Variants in RBFOX1 observed in about 807,000 individuals in gnomAD.
The protein encoded by RBFOX1 is RNA binding fox-1 homolog 1.
Under a neutral mutation model 57.7 loss-of-function variants are expected in RBFOX1, and 8 were observed. That is an observed-to-expected ratio of 0.14 (90% CI 0.08 to 0.25). The LOEUF (loss-of-function observed/expected upper bound fraction) is 0.25. RBFOX1 is among the 10% of genes least tolerant of loss of function. The pLI, the probability that RBFOX1 is intolerant of heterozygous loss-of-function variation, is 1.00. For synonymous variants in RBFOX1, 326 were observed against 222.4 expected (o/e 1.47, Z -4.15); for missense variants, 611 against 548.5 (o/e 1.11, Z -1.14).
chr16:5,933,588 G>C (rs866293690), intron 4 of RBFOX1, among the ~76,000 whole-genome samples: 1 of 152,166 alleles, frequency 6.6e-6, no homozygotes, highest in Non-Finnish European at 1.5e-5. Flanking sequence ...ATTTAGGGAG[G>C]CCAAGCTATT....
At chr16:5,443,538 C>T (rs1442755934) in intron 1 of RBFOX1, among the ~76,000 whole-genome samples, 1 of 152,142 alleles carries the variant, frequency 6.6e-6, no homozygotes, top group African/African-American at 2.4e-5. Context: ...TGGGGTTTCC[C>T]TGTGTTGGCC....
At chr16:6,793,161 A>T (rs537791994) in intron 3 of RBFOX1, among the ~76,000 whole-genome samples, 1 of 152,340 alleles carries the variant, frequency 6.6e-6, no homozygotes, top group African/African-American at 2.4e-5. Context: ...AGAACCCAGA[A>T]ATTAAAACAG....
chr16:5,886,310 G>A lies in RBFOX1; in HGVS notation c.351+18975G>A, dbSNP rs74004678. On this transcript the variant is annotated intron_variant, in intron 4 of 19. Transcript: ENST00000641259. ...ATCTGTAAAACAGAGATGATGGGTG[G>A]TTATGAGGATTAAATAAATTAATAC... Among the ~76,000 whole-genome samples the A allele has an allele frequency of 5.2e-3, 788 of 152,274 alleles. 7 individuals are homozygous for A. Among genetic ancestry groups the A allele is most frequent in the African/African-American group, 0.017 (722 of 41,536 alleles).
chr16:7,295,742 A>T (rs1330880107), intron 4 of RBFOX1, among the ~76,000 whole-genome samples: 1 of 152,086 alleles, frequency 6.6e-6, no homozygotes, highest in Non-Finnish European at 1.5e-5. Flanking sequence ...AACCAGAAAG[A>T]GTTCCCAAAT....
Position 6,918,846 on chromosome 16 carries a change from C to T in RBFOX1, c.-15-133211C>T, listed in dbSNP as rs935874264. On this transcript the variant is annotated intron_variant, in intron 3 of 15. Coordinates refer to ENST00000550418, the MANE Select transcript of RBFOX1 (RefSeq NM_018723.4). ...ATAAACAAGTATTTTCAGTGCAACACATTGCAGGCTTGGCCCTTACCTGAT... is the reference window on the plus strand; with the variant it reads ...ATAAACAAGTATTTTCAGTGCAACATATTGCAGGCTTGGCCCTTACCTGAT... 5.3e-5 allele frequency among the ~76,000 whole-genome samples: 8 copies of T among 152,130 alleles called. No homozygotes were observed. The East Asian group carries it at 5.8e-4, about 11-fold the overall frequency.
chr16:5,835,524 C>G (rs763594017), intron 3 of RBFOX1, among the ~76,000 whole-genome samples: 87 of 152,098 alleles, frequency 5.7e-4, no homozygotes, highest in Non-Finnish European at 9.3e-4. Context: ...AGTCCAGATT[C>G]CCAGGACCCT....
At chr16:6,901,780 T>A (rs186236910) in intron 3 of RBFOX1, among the ~76,000 whole-genome samples, 121 of 152,288 alleles carry the variant, frequency 7.9e-4, no homozygotes, top group Non-Finnish European at 1.6e-3. Context: ...ATAGATGAGA[T>A]GGATTGAGAA....
chr16:6,829,517 G>T (rs1268759264), intron 3 of RBFOX1, among the ~76,000 whole-genome samples: 2 of 150,710 alleles, frequency 1.3e-5, no homozygotes, highest in African/African-American at 4.9e-5. Context: ...TAACTTATAG[G>T]TACTTAGTAT....
chr16:7,218,628 CTG>C (rs60333818), intron 4 of RBFOX1, among the ~76,000 whole-genome samples: 7,382 of 126,892 alleles, frequency 0.058, 264 homozygotes, highest in Middle Eastern at 0.079. Context: ...TGGGGGTTTG[CTG>C]TGTGTGTGTG....
intron 3 of RBFOX1, among the ~76,000 whole-genome samples, chr16:6,945,892 C>T (rs1366277456): frequency 1.3e-5 from 2 of 152,108 alleles, no homozygotes. Flanking sequence ...CTCTCGTCCC[C>T]CACAAAAAAG....
intron 4 of RBFOX1, among the ~76,000 whole-genome samples, chr16:5,921,348 C>A (rs2058817072): frequency 6.6e-6 from 1 of 152,146 alleles, no homozygotes; most frequent in Admixed American, 6.5e-5. Flanking sequence ...GGAGGGATAG[C>A]AATTTTTGTA....
At chr16:6,614,884 A>G (rs530235112) in intron 2 of RBFOX1, among the ~76,000 whole-genome samples, 1 of 152,292 alleles carries the variant, frequency 6.6e-6, no homozygotes, top group Non-Finnish European at 1.5e-5. Context: ...GTGTTTGAAA[A>G]TGTTTGCATT....
intron 1 of RBFOX1, among the ~76,000 whole-genome samples, chr16:6,310,812 G>A (rs1220967218): frequency 6.6e-6 from 1 of 151,942 alleles, no homozygotes; most frequent in East Asian, 1.9e-4. Context: ...GATTCTAAGA[G>A]TGGGGAACAT....
chr16:6,651,712 G>C (rs575052935), intron 2 of RBFOX1, among the ~76,000 whole-genome samples: 1 of 152,122 alleles, frequency 6.6e-6, no homozygotes, highest in South Asian at 2.1e-4. Flanking sequence ...CTGGGCATAC[G>C]CACAAAAGAC....
chr16:5,886,719 C>T (rs113465822), intron 4 of RBFOX1, among the ~76,000 whole-genome samples: 2,697 of 152,276 alleles, frequency 0.018, 95 homozygotes, highest in African/African-American at 0.062. Context: ...GAAACCCTGT[C>T]TCTACTTAAA....
rs547036004 is a variant in RBFOX1 at position 6,177,650 on chromosome 16, A to G, written c.-126-139345A>G. Among the ~76,000 whole-genome samples, 5 of 152,310 alleles carry G rather than the reference A, an allele frequency of 3.3e-5. No individual in the cohort carries two copies. The South Asian group carries it at 8.3e-4, about 25-fold the overall frequency. ...CCCAGCAAGATATAAAGATGCTCAA[A>G]TGAACATTTGTGGAAGGACTTGACA... On this transcript the variant is annotated intron_variant, in intron 1 of 15. Transcript: ENST00000550418.
At chr16:5,954,390 C>G (rs933702715) in intron 4 of RBFOX1, among the ~76,000 whole-genome samples, 1 of 152,050 alleles carries the variant, frequency 6.6e-6, no homozygotes, top group Middle Eastern at 3.4e-3. Flanking sequence ...TCTTTCGCCA[C>G]CACCGCTGGA....
rs577878851 is a variant in RBFOX1 at position 7,515,052 on chromosome 16, G to T, written c.28-3095G>T. On this transcript the variant is annotated intron_variant, in intron 4 of 15. Coordinates refer to ENST00000550418, the MANE Select transcript of RBFOX1 (RefSeq NM_018723.4). Reference sequence around the variant, plus strand: ...ACTTCAGAGATGGGCCAGGTAGAAGGTTGGGGAGGCAGAAACAGATCTTTG... The same window carrying T: ...ACTTCAGAGATGGGCCAGGTAGAAGTTTGGGGAGGCAGAAACAGATCTTTG... Among the ~76,000 whole-genome samples the T allele has an allele frequency of 1.3e-4, 20 of 152,262 alleles. No homozygotes were observed. The South Asian group carries it at 4.1e-3, about 32-fold the overall frequency.
At chr16:5,546,550 C>A (rs1006779200) in intron 2 of RBFOX1, among the ~76,000 whole-genome samples, 2 of 152,196 alleles carry the variant, frequency 1.3e-5, no homozygotes, top group African/African-American at 4.8e-5. Flanking sequence ...AATAGTTGGA[C>A]ATCCATGTGC....
Sources: allele counts gnomAD v4.1 joint callset (sites outside exome capture counted in the v4.1 genomes callset), GRCh38; gene constraint gnomAD v4.1.1; transcripts MANE v1.5; gene names NCBI Gene and HGNC (gene_info 2026-07-23, HGNC 2026-07-21).